The following SLC39A10 variants were observed in gnomAD, a reference collection of about 807,000 sequenced individuals.
SLC39A10 encodes zinc transporter ZIP10.
A neutral mutation model predicts 65.1 loss-of-function variants in SLC39A10; 13 were observed. The ratio of observed to expected loss-of-function variants is 0.20; its 90% confidence interval spans 0.13 to 0.32. SLC39A10 has a LOEUF of 0.32. SLC39A10 is among the 10% of genes least tolerant of loss of function. SLC39A10 has a pLI of 1.00. For missense variants in SLC39A10, 831 were observed against 1,018.4 expected (o/e 0.82, Z 2.50); for synonymous variants, 321 against 342.2 (o/e 0.94, Z 0.68).
rs1692688901 is a variant in SLC39A10, at chr2:195,737,477, C to CAAACA, written c.*2438_*2442dup. ...AGTGTGAATTTTTTCCATTAACAAA[C>CAAACA]AAACAAGTCAGTGGCTTAAATGTGA... On this transcript the variant is annotated 3_prime_UTR_variant, in exon 10 of 10. Coordinates refer to ENST00000359634, the MANE Select transcript of SLC39A10 (RefSeq NM_020342.3). 6.2e-6 allele frequency: 1 copy of CAAACA among 160,018 alleles called. No homozygotes were observed. Among genetic ancestry groups the CAAACA allele is most frequent in the African/African-American group, 2.4e-5 (1 of 41,294 alleles). The allele number at this position is 160,018 out of a possible 1,614,324, so 9.9% of individuals were successfully genotyped here. A position where few individuals can be genotyped will look rare whatever the true frequency, so the allele number is the denominator to read the frequency against.
At chr2:195,668,947 C>T (rs189752810) in intron 1 of SLC39A10, among the ~76,000 whole-genome samples, 247 of 151,904 alleles carry the variant, frequency 1.6e-3, no homozygotes, top group East Asian at 6.0e-3. Context: ...GCCAGGCAGG[C>T]GCCTGTAATC....
At chr2:195,638,017 A>G (rs1052779074) in intron 2 of SLC39A10, among the ~76,000 whole-genome samples, 4 of 152,240 alleles carry the variant, frequency 2.6e-5, no homozygotes, top group Non-Finnish European at 5.9e-5. Flanking sequence ...ATCCTAGAGA[A>G]GATATTATCA....
Position 195,716,774 on chromosome 2 carries a change from G to A in SLC39A10, c.1834G>A (p.Gly612Arg), listed in dbSNP as rs1691828329. 6.2e-7 allele frequency: 1 copy of A among 1,614,094 alleles called. No individual in the cohort carries two copies. The highest frequency in any genetic ancestry group is 2.2e-5 in the East Asian group (1 of 44,878). The change falls in exon 7 of 10, where the codon GGA (glycine) becomes AGA (arginine). Residue 612 changes from glycine to arginine, a missense_variant. By Grantham distance (125) the Gly-to-Arg change is moderately radical. Around this residue, in one of 4 missense-constraint regions of SLC39A10, gnomAD observed 230 missense variants for 242.9 expected, o/e 0.95. Transcript: ENST00000359634. ...AATCATAGACCATTCTCACAGTGATGGATTACATACCATTCATGAGCATGA... is the reference window on the plus strand; with the variant it reads ...AATCATAGACCATTCTCACAGTGATAGATTACATACCATTCATGAGCATGA... ...EKIIDHSHSDGLHTIHEHDLH... is the reference protein window; with the variant it reads ...EKIIDHSHSDRLHTIHEHDLH...
intron 3 of SLC39A10, among the ~76,000 whole-genome samples, chr2:195,695,825 G>A (rs777615787): frequency 6.6e-6 from 1 of 152,094 alleles, no homozygotes; most frequent in Non-Finnish European, 1.5e-5. Flanking sequence ...TTTTGCCTGT[G>A]CCTTTGGTTT....
chr2:195,654,996 T>C (rs1196219860), upstream of SLC39A10, among the ~76,000 whole-genome samples: 1 of 152,210 alleles, frequency 6.6e-6, no homozygotes, highest in East Asian at 1.9e-4. Flanking sequence ...GTTTAAAAAG[T>C]GTTAGGAGAC....
chr2:195,694,804 A>T (rs1435986643), intron 3 of SLC39A10, among the ~76,000 whole-genome samples: 1 of 152,136 alleles, frequency 6.6e-6, no homozygotes, highest in African/African-American at 2.4e-5. Flanking sequence ...GGGTGGGGCT[A>T]TAGAGCTCCC....
chr2:195,715,986 G>A (rs1691793270), intron 6 of SLC39A10, among the ~76,000 whole-genome samples: 1 of 152,230 alleles, frequency 6.6e-6, no homozygotes, highest in South Asian at 2.1e-4. Flanking sequence ...TGGTCAGGCA[G>A]TCAACACTAC....
intron 2 of SLC39A10, among the ~76,000 whole-genome samples, chr2:195,613,187 C>G (rs1396058009): frequency 6.6e-6 from 1 of 152,016 alleles, no homozygotes; most frequent in Admixed American, 6.6e-5. Context: ...CCCACCCCAC[C>G]CTTCTATCCT....
At chr2:195,727,036 C>G (rs111761044) in intron 8 of SLC39A10, among the ~76,000 whole-genome samples, 3 of 152,260 alleles carry the variant, frequency 2.0e-5, no homozygotes, top group African/African-American at 7.2e-5. Context: ...ATTATTATCT[C>G]TAGCATCATT....
intron 2 of SLC39A10, among the ~76,000 whole-genome samples, chr2:195,651,078 A>T (rs1052399974): frequency 6.7e-6 from 1 of 149,642 alleles, no homozygotes; most frequent in Non-Finnish European, 1.5e-5. Context: ...CTCAAAAAAA[A>T]TGTTTTTTTT....
At chr2:195,721,022 G>A (rs1185742598) in intron 8 of SLC39A10, among the ~76,000 whole-genome samples, 3 of 152,100 alleles carry the variant, frequency 2.0e-5, no homozygotes, top group African/African-American at 7.2e-5. Context: ...GCTTAGTGCA[G>A]CCTTGACCTC....
intron 1 of SLC39A10, 140 bp from the exon 2 acceptor site, chr2:195,679,892 C>A: frequency 1.7e-6 from 1 of 584,282 alleles, no homozygotes; most frequent in Non-Finnish European, 2.8e-6. Flanking sequence ...TTTCACTTTT[C>A]TCTGGTTCTT....
chr2:195,623,850 T>G (rs951452868), intron 2 of SLC39A10, among the ~76,000 whole-genome samples: 3 of 150,306 alleles, frequency 2.0e-5, no homozygotes, highest in African/African-American at 7.4e-5. Flanking sequence ...AGTAAGGAGG[T>G]TTTTGGTCAT....
chr2:195,616,388 C>T (rs1309685653), intron 2 of SLC39A10, among the ~76,000 whole-genome samples: 1 of 151,358 alleles, frequency 6.6e-6, no homozygotes, highest in African/African-American at 2.4e-5. Context: ...CTCACTGCAA[C>T]CTCTGCCTCC....
chr2:195,730,421 T>C (rs2118841), intron 9 of SLC39A10, among the ~76,000 whole-genome samples: 82,083 of 152,010 alleles, frequency 0.54, 22,517 homozygotes, highest in Non-Finnish European at 0.6. Flanking sequence ...CCTCCGCCTC[T>C]TGGGTTCAAG....
chr2:195,627,158 A>C (rs1271324966), intron 2 of SLC39A10, among the ~76,000 whole-genome samples: 1 of 152,238 alleles, frequency 6.6e-6, no homozygotes, highest in Non-Finnish European at 1.5e-5. Flanking sequence ...AACCAGAGAT[A>C]TGCAAGTTCT....
intron 2 of SLC39A10, among the ~76,000 whole-genome samples, chr2:195,626,956 A>G (rs1433611421): frequency 6.6e-6 from 1 of 152,220 alleles, no homozygotes; most frequent in African/African-American, 2.4e-5. Context: ...CTCCTTGCAC[A>G]TAAATGTCTT....
intron 6 of SLC39A10, among the ~76,000 whole-genome samples, chr2:195,714,303 A>G (rs886621514): frequency 6.6e-6 from 1 of 152,174 alleles, no homozygotes; most frequent in Non-Finnish European, 1.5e-5. Context: ...ATGTTTGGAC[A>G]TTGATGTTTT....
chr2:195,682,238 T>G (rs773837523), intron 2 of SLC39A10, among the ~76,000 whole-genome samples: 1 of 152,214 alleles, frequency 6.6e-6, no homozygotes, highest in Non-Finnish European at 1.5e-5. Context: ...GTTGTTCATA[T>G]GTATAGAAAG....
Sources: allele counts gnomAD v4.1 joint callset (sites outside exome capture counted in the v4.1 genomes callset), GRCh38; gene constraint gnomAD v4.1.1; regional missense constraint gnomAD v4.1.1; transcripts MANE v1.5; gene names NCBI Gene and HGNC (gene_info 2026-07-23, HGNC 2026-07-21).